The following ZKSCAN1 variants were observed in gnomAD, a reference collection of about 807,000 sequenced individuals.
ZKSCAN1 encodes zinc finger protein with KRAB and SCAN domains 1.
Under a neutral mutation model 51.6 loss-of-function variants are expected in ZKSCAN1, and 14 were observed. The ratio of observed to expected loss-of-function variants is 0.27; its 90% CI spans 0.18 to 0.42. The LOEUF (loss-of-function observed/expected upper bound fraction) is 0.42. Among genes scored for constraint, ZKSCAN1 ranks in the 10% least tolerant of loss-of-function variants. The pLI is 1.00. For missense variants in ZKSCAN1, 531 were observed against 710.0 expected, an observed-to-expected ratio of 0.75 and a Z score of 2.86; for synonymous variants, 263 against 261.5, an observed-to-expected ratio of 1.01 and a Z score of -0.06.
At chr7:100,020,385 T>G (rs1790542882) in intron 1 of ZKSCAN1, among the ~76,000 whole-genome samples, 1 of 152,010 alleles carries the variant, frequency 6.6e-6, no homozygotes, top group African/African-American at 2.4e-5. Flanking sequence ...GACCAGGCAC[T>G]GGAAAGTATT....
intron 4 of ZKSCAN1, 72 bp from the exon 5 acceptor site, chr7:100,030,177 G>A (rs1791046354): frequency 2.5e-6 from 4 of 1,571,344 alleles, no homozygotes; most frequent in East Asian, 2.3e-5. Context: ...CTCTCTTCCT[G>A]ACTCCAGGTT....
intron 3 of ZKSCAN1, among the ~76,000 whole-genome samples, chr7:100,026,041 A>G (rs1212717969): frequency 6.6e-6 from 1 of 151,978 alleles, no homozygotes; most frequent in Admixed American, 6.6e-5. Flanking sequence ...ACCAACGTGG[A>G]GAAACCCCGT....
intron 3 of ZKSCAN1, among the ~76,000 whole-genome samples, chr7:100,028,134 C>A (rs1441664133): frequency 6.6e-6 from 1 of 152,084 alleles, no homozygotes; most frequent in Non-Finnish European, 1.5e-5. Flanking sequence ...GTGGCCAGAT[C>A]ATAAGGTCAA....
In ZKSCAN1 at chr7:100,039,839, TAAATG is replaced by T; in HGVS notation, c.*5647_*5651del. 1 of 985,432 alleles carries T rather than the reference TAAATG, an allele frequency of 1.0e-6. No individual in the cohort carries two copies. Among genetic ancestry groups the T allele is most frequent in the Non-Finnish European group, 1.2e-6 (1 of 829,932 alleles). The allele number at this position is 985,432 out of a possible 1,614,324, so 61.0% of individuals were successfully genotyped here. On this transcript the variant is annotated 3_prime_UTR_variant, in exon 6 of 6. Coordinates refer to ENST00000324306, the MANE Select transcript of ZKSCAN1 (RefSeq NM_003439.4). ...AATGGGGTGAAAGTCTGCAGATTGTTAAATGAAATATAGAATCAGAGAAAAAGAAA... is the reference window on the plus strand; with the variant it reads ...AATGGGGTGAAAGTCTGCAGATTGTTAAATATAGAATCAGAGAAAAAGAAA...
intron 3 of ZKSCAN1, among the ~76,000 whole-genome samples, chr7:100,028,518 T>G (rs1278857364): frequency 6.6e-6 from 1 of 152,140 alleles, no homozygotes; most frequent in Non-Finnish European, 1.5e-5. Flanking sequence ...TATTGTTGTA[T>G]AAAGGTTTGA....
At chr7:100,022,438 T>C (rs1201284504) in intron 1 of ZKSCAN1, among the ~76,000 whole-genome samples, 1 of 152,264 alleles carries the variant, frequency 6.6e-6, no homozygotes, top group Non-Finnish European at 1.5e-5. Flanking sequence ...GAACAACACC[T>C]GTGACAGGTC....
In ZKSCAN1 at chr7:100,037,518, A is replaced by G; in HGVS notation, c.*3321A>G. ...ACATAGACATCAGAGAATTTATTCCAGAAAGGAGCCTCCTGAATGTGATGA... is the reference window on the plus strand; with the variant it reads ...ACATAGACATCAGAGAATTTATTCCGGAAAGGAGCCTCCTGAATGTGATGA... On this transcript the variant is annotated 3_prime_UTR_variant, in exon 6 of 6. Transcript: ENST00000324306. The G allele has an allele frequency of 1.0e-6, 1 of 985,492 alleles. No homozygotes were observed. Among genetic ancestry groups the G allele is most frequent in the Non-Finnish European group, 1.2e-6 (1 of 829,938 alleles). 61.0% of individuals were successfully genotyped at this position (985,492 alleles called of 1,614,324 possible). A position where few individuals can be genotyped will look rare whatever the true frequency, so the allele number is the denominator to read the frequency against.
rs570254076 is a variant in ZKSCAN1, at chr7:100,036,534, A to G, written c.*2337A>G. Reference sequence around the variant, plus strand: ...GAGTTTTGAGACCAGCCTGGCCAACATGGTAAAATCCCGTCTCTACTAAAA... The same window carrying G: ...GAGTTTTGAGACCAGCCTGGCCAACGTGGTAAAATCCCGTCTCTACTAAAA... On this transcript the variant is annotated 3_prime_UTR_variant, in exon 6 of 6. Transcript: ENST00000324306. 1.6e-5 allele frequency: 14 copies of G among 852,104 alleles called. No individual in the cohort carries two copies. Among genetic ancestry groups the G allele is most frequent in the Non-Finnish European group, 1.8e-5 (13 of 708,718 alleles). The allele number at this position is 852,104 out of a possible 1,614,324, so 52.8% of individuals were successfully genotyped here.
chr7:100,028,794 CAA>C (rs56779174), intron 3 of ZKSCAN1, among the ~76,000 whole-genome samples: 16 of 83,064 alleles, frequency 1.9e-4, no homozygotes, highest in African/African-American at 7.4e-4. Context: ...TACATCTTAT[CAA>C]AAAAAAAAAA....
rs551517937 is a variant in ZKSCAN1, at chr7:100,036,493, G to A, written c.*2296G>A. 4.1e-6 allele frequency: 4 copies of A among 965,504 alleles called. No individual in the cohort carries two copies. In the East Asian group the frequency reaches 3.5e-4, roughly 83 times the overall value. The allele number at this position is 965,504 out of a possible 1,614,324, so 59.8% of individuals were successfully genotyped here. A position where few individuals can be genotyped will look rare whatever the true frequency, so the allele number is the denominator to read the frequency against. ...GCACTTTGGGAGGCCGAGGTGAGCG[G>A]ATCACCTGAGGTCAGGAGTTTTGAG... On this transcript the variant is annotated 3_prime_UTR_variant, in exon 6 of 6. Transcript: ENST00000324306.
rs1791499376 is a variant in ZKSCAN1 at position 100,039,340 on chromosome 7, G to GA, written c.*5147dup. Reference sequence around the variant, plus strand: ...GAAAAAAAAAAAAGAAAGAAAGAAAGAAAATTGGGGATAGGAGAACAGCAA... The same window carrying GA: ...GAAAAAAAAAAAAGAAAGAAAGAAAGAAAAATTGGGGATAGGAGAACAGCAA... On this transcript the variant is annotated 3_prime_UTR_variant, in exon 6 of 6. Transcript: ENST00000324306. The GA allele has an allele frequency of 1.7e-5, 17 of 984,972 alleles. No individual in the cohort carries two copies. The highest frequency in any genetic ancestry group is 6.2e-5 in the Admixed American group (1 of 16,172). The allele number at this position is 984,972 out of a possible 1,614,324, so 61.0% of individuals were successfully genotyped here. A position where few individuals can be genotyped will look rare whatever the true frequency, so the allele number is the denominator to read the frequency against.
At chr7:100,024,750 AT>A (rs1344637286) in intron 3 of ZKSCAN1, 1 of 156,950 alleles carries the variant, frequency 6.4e-6, no homozygotes, top group African/African-American at 2.4e-5. Context: ...AAATATGAAA[AT>A]TAGCCAGGCA....
Position 100,037,149 on chromosome 7 carries a change from C to T in ZKSCAN1, c.*2952C>T. On this transcript the variant is annotated 3_prime_UTR_variant, in exon 6 of 6. Coordinates refer to ENST00000324306, the MANE Select transcript of ZKSCAN1 (RefSeq NM_003439.4). ...TGTAATTGGGTCATGGTCAAAAACG[C>T]TTGCAACATCTAATTGGCGTTCAAG... 8 of 985,302 alleles carry T rather than the reference C, an allele frequency of 8.1e-6. No individual in the cohort carries two copies. The highest frequency in any genetic ancestry group is 9.6e-6 in the Non-Finnish European group (8 of 829,836). The allele number at this position is 985,302 out of a possible 1,614,324, so 61.0% of individuals were successfully genotyped here.
At chr7:100,017,262 G>A (rs1393449783) in intron 1 of ZKSCAN1, among the ~76,000 whole-genome samples, 1 of 151,254 alleles carries the variant, frequency 6.6e-6, no homozygotes, top group East Asian at 1.9e-4. Flanking sequence ...TTGCTCTGTC[G>A]CCCAGGCTGG....
At position 100,023,510 on chromosome 7, in the gene ZKSCAN1, A is replaced by G; in HGVS notation, c.4A>G (p.Met2Val). Residue 2 changes from methionine to valine, a missense_variant, in exon 2 of 6, where the codon ATG becomes GTG. Met to Val is a conservative substitution (Grantham distance 21). Transcript: ENST00000324306. The stretch of plus-strand genomic sequence containing the variant: ...CAAGTCAGTTCCTGGAGCCTGAATG[A>G]TGACTGCTGAATCACGGGAAGCCAC... M[M>V]TAESREATGL... 1 of 1,608,538 alleles carries G rather than the reference A, an allele frequency of 6.2e-7. No individual in the cohort carries two copies. Among genetic ancestry groups the G allele is most frequent in the Non-Finnish European group, 8.5e-7 (1 of 1,177,748 alleles).
intron 3 of ZKSCAN1, among the ~76,000 whole-genome samples, chr7:100,028,887 G>A (rs1790967526): frequency 1.3e-5 from 2 of 151,968 alleles, no homozygotes; most frequent in African/African-American, 2.4e-5. Context: ...AGAGGTGGCC[G>A]GACACAGTGG....
At chr7:100,042,775 A>G (rs1219378493), downstream of ZKSCAN1, among the ~76,000 whole-genome samples, 1 of 143,930 alleles carries the variant, frequency 6.9e-6, no homozygotes. Context: ...CGAATACACC[A>G]CCACACCCAG....
At chr7:100,042,922 C>T (rs1488916680), downstream of ZKSCAN1, among the ~76,000 whole-genome samples, 2 of 151,608 alleles carry the variant, frequency 1.3e-5, no homozygotes, top group African/African-American at 4.8e-5. Flanking sequence ...CTCAGCCTCC[C>T]GAGTAGCTGG....
rs913226483 is a variant in ZKSCAN1 at position 100,040,010 on chromosome 7, C to G, written c.*5813C>G. The G allele has an allele frequency of 1.0e-5, 9 of 879,242 alleles. No homozygotes were observed. In the African/African-American group the frequency reaches 1.5e-4, roughly 14 times the overall value. 54.5% of individuals were successfully genotyped at this position (879,242 alleles called of 1,614,324 possible). ...GGTTTTTTTTTTTAGAGTGGACACA[C>G]TACATTTAAAAGCAATTATTTTGCT... On this transcript the variant is annotated 3_prime_UTR_variant, in exon 6 of 6. Transcript: ENST00000324306.
Sources: allele counts gnomAD v4.1 joint callset (sites outside exome capture counted in the v4.1 genomes callset), GRCh38; gene constraint gnomAD v4.1.1; transcripts MANE v1.5; gene names NCBI Gene and HGNC (gene_info 2026-07-23, HGNC 2026-07-21).